DYM: variants seen among roughly 807,000 people sequenced by gnomAD.
DYM encodes the protein dymeclin.
DYM carries 78 observed loss-of-function variants against 93.1 expected under a neutral mutation model. The observed-to-expected ratio is 0.84, with a 90% CI of 0.70 to 1.01. The LOEUF (loss-of-function observed/expected upper bound fraction) is 1.01, where lower values mean the gene tolerates loss of function less well. Among genes scored for constraint, DYM ranks in the 50% least tolerant of loss-of-function variants. DYM has a pLI of 0.00. For synonymous variants in DYM, 321 were observed against 319.7 expected (o/e 1.00, Z -0.04); for missense variants, 789 against 845.0 (o/e 0.93, Z 0.82).
At chr18:49,077,593 GT>G (rs1228216532) in intron 17 of DYM, among the ~76,000 whole-genome samples, 1 of 152,196 alleles carries the variant, frequency 6.6e-6, no homozygotes, top group Non-Finnish European at 1.5e-5. Flanking sequence ...GGAGGGTTAA[GT>G]CTCCAACACA....
At chr18:49,454,360 T>C (rs2082784997) in intron 1 of DYM, among the ~76,000 whole-genome samples, 1 of 152,164 alleles carries the variant, frequency 6.6e-6, no homozygotes, top group Admixed American at 6.5e-5. Context: ...AGCTGGGAGC[T>C]TGCACACGAT....
chr18:49,152,004 T>C (rs1264583947), intron 15 of DYM, among the ~76,000 whole-genome samples: 1 of 152,204 alleles, frequency 6.6e-6, no homozygotes, highest in Non-Finnish European at 1.5e-5. Flanking sequence ...CTGTGATCAC[T>C]GGTTTTTAGA....
intron 15 of DYM, among the ~76,000 whole-genome samples, chr18:49,138,403 C>A (rs903606141): frequency 4.6e-5 from 7 of 152,152 alleles, no homozygotes; most frequent in African/African-American, 1.4e-4. Flanking sequence ...TTGCCTTTTA[C>A]AAAAGATCCC....
intron 15 of DYM, among the ~76,000 whole-genome samples, chr18:49,158,530 C>T (rs946858560): frequency 3.3e-5 from 5 of 152,142 alleles, no homozygotes; most frequent in Non-Finnish European, 7.4e-5. Flanking sequence ...GATAACTGTT[C>T]CCATGTTATA....
intron 15 of DYM, among the ~76,000 whole-genome samples, chr18:49,125,182 C>T (rs2082698612): frequency 6.6e-6 from 1 of 152,172 alleles, no homozygotes; most frequent in South Asian, 2.1e-4. Flanking sequence ...ATCACTTGAA[C>T]CCAGCAGGCG....
At chr18:49,356,584 C>T (rs1431461791) in intron 6 of DYM, among the ~76,000 whole-genome samples, 1 of 152,190 alleles carries the variant, frequency 6.6e-6, no homozygotes, top group African/African-American at 2.4e-5. Flanking sequence ...ACATGCAGGG[C>T]TGTAGAAAGG....
intron 15 of DYM, among the ~76,000 whole-genome samples, chr18:49,139,739 T>G (rs976821304): frequency 1.3e-5 from 2 of 152,174 alleles, no homozygotes; most frequent in Non-Finnish European, 2.9e-5. Flanking sequence ...GGTCTGTGAG[T>G]GCTGGAGCAT....
rs553500029 is a variant in DYM, at chr18:49,151,288, A to G, written c.1728+12397T>C. Among the ~76,000 whole-genome samples the G allele has an allele frequency of 5.6e-4, 85 of 152,324 alleles. 1 individual carries two copies. Among genetic ancestry groups the G allele is most frequent in the Admixed American group, 1.2e-3 (19 of 15,302 alleles). ...AATACTCCTGTTAAGGATTCTTCTC[A>G]TGAATTTGTCAGAAATCCGTGAAAT... On this transcript the variant is annotated intron_variant, in intron 15 of 17. Coordinates refer to ENST00000675505, the MANE Select transcript of DYM (RefSeq NM_001353214.3).
intron 5 of DYM, among the ~76,000 whole-genome samples, chr18:49,366,544 C>T (rs141896094): frequency 2.6e-3 from 393 of 152,294 alleles, no homozygotes; most frequent in Middle Eastern, 0.01. Context: ...ATAGCACCAG[C>T]TACTCAGGAG....
chr18:49,322,274 A>G (rs1599412392), intron 8 of DYM, among the ~76,000 whole-genome samples: 2 of 152,160 alleles, frequency 1.3e-5, no homozygotes, highest in African/African-American at 4.8e-5. Context: ...GTTATTGTGT[A>G]AAACCTCAGT....
At chr18:49,197,896 G>C (rs1190298086) in intron 14 of DYM, among the ~76,000 whole-genome samples, 2 of 152,060 alleles carry the variant, frequency 1.3e-5, no homozygotes, top group African/African-American at 4.8e-5. Context: ...AGTTCATATG[G>C]AACCAAAAAA....
At chr18:49,441,643 G>C (rs1002170923) in intron 1 of DYM, among the ~76,000 whole-genome samples, 32 of 151,846 alleles carry the variant, frequency 2.1e-4, no homozygotes, top group African/African-American at 7.3e-4. Flanking sequence ...TCAGATCAAG[G>C]GAAGTGTGGA....
chr18:49,047,005 G>A (rs1160467063), intron 17 of DYM, among the ~76,000 whole-genome samples: 1 of 152,232 alleles, frequency 6.6e-6, no homozygotes. Flanking sequence ...GAGGAGCAGA[G>A]TGAAGCAGCA....
At chr18:49,182,002 C>T (rs2089970543) in intron 14 of DYM, among the ~76,000 whole-genome samples, 1 of 152,068 alleles carries the variant, frequency 6.6e-6, no homozygotes, top group Non-Finnish European at 1.5e-5. Context: ...TTGATATGTT[C>T]CATTTTCATT....
chr18:49,217,264 A>G (rs1303781630), intron 13 of DYM, among the ~76,000 whole-genome samples: 4 of 152,230 alleles, frequency 2.6e-5, no homozygotes, highest in South Asian at 2.1e-4. Context: ...TGAAAAGACC[A>G]AATCTACGTC....
chr18:49,095,744 A>C (rs953907457), intron 17 of DYM, among the ~76,000 whole-genome samples: 2 of 152,208 alleles, frequency 1.3e-5, no homozygotes, highest in Non-Finnish European at 2.9e-5. Context: ...TCAAATATAA[A>C]TGACATTTTA....
At chr18:49,260,099 G>T (rs192409681) in intron 11 of DYM, among the ~76,000 whole-genome samples, 1 of 152,146 alleles carries the variant, frequency 6.6e-6, no homozygotes, top group Non-Finnish European at 1.5e-5. Context: ...AAGCAAAGTC[G>T]CTTAAGATTA....
At chr18:49,240,206 A>T (rs893797590) in intron 13 of DYM, among the ~76,000 whole-genome samples, 36 of 152,214 alleles carry the variant, frequency 2.4e-4, no homozygotes, top group African/African-American at 8.4e-4. Context: ...TAATACAGAC[A>T]TGCTCACATC....
rs571005243 is a variant in DYM at position 49,297,032 on chromosome 18, T to C, written c.764-10416A>G. On this transcript the variant is annotated intron_variant, in intron 8 of 17. Coordinates refer to ENST00000675505, the MANE Select transcript of DYM (RefSeq NM_001353214.3). ...CACAAAGTACTTACTGAAGGATGTTTTTAAAGTGTACAAGTAATAAGAATT... is the reference window on the plus strand; with the variant it reads ...CACAAAGTACTTACTGAAGGATGTTCTTAAAGTGTACAAGTAATAAGAATT... Among the ~76,000 whole-genome samples the C allele has an allele frequency of 3.3e-5, 5 of 152,298 alleles. No individual in the cohort carries two copies. The South Asian group carries it at 1.0e-3, about 32-fold the overall frequency.
Sources: gnomAD v4.1 joint callset for allele counts (sites outside exome capture counted in the v4.1 genomes callset) on GRCh38, gnomAD v4.1.1 for gene constraint, MANE v1.5 for transcripts, NCBI Gene and HGNC (gene_info 2026-07-23, HGNC 2026-07-21) for gene names.